The following VPS50 variants were observed in gnomAD, a reference collection of about 807,000 sequenced individuals.
The protein encoded by VPS50 is VPS50 subunit of EARP/GARPII complex.
Under a neutral mutation model 139.7 loss-of-function variants are expected in VPS50, and 70 were observed. The ratio of observed to expected loss-of-function variants is 0.50; its 90% confidence interval spans 0.41 to 0.61. The LOEUF (loss-of-function observed/expected upper bound fraction) is 0.61, where lower values mean the gene tolerates loss of function less well. Ranked by LOEUF, VPS50 falls within the 20% of genes least tolerant of loss-of-function variation. VPS50 has a pLI of 0.00. For missense variants in VPS50, 921 were observed against 1,133.7 expected, an observed-to-expected ratio of 0.81 and a Z score of 2.69; for synonymous variants, 365 against 376.7, an observed-to-expected ratio of 0.97 and a Z score of 0.36.
intron 5 of VPS50, among the ~76,000 whole-genome samples, chr7:93,257,052 C>T (rs1304713945): frequency 3.3e-5 from 5 of 151,992 alleles, no homozygotes; most frequent in African/African-American, 1.2e-4. Flanking sequence ...TTGTCATATC[C>T]TTTAATTACC....
chr7:93,291,936 C>A, intron 13 of VPS50, 101 bp downstream of exon 13: 1 of 738,122 alleles, frequency 1.4e-6, no homozygotes, highest in South Asian at 2.5e-5. Flanking sequence ...TTTGGGATTT[C>A]AAAGATTACA....
intron 17 of VPS50, among the ~76,000 whole-genome samples, chr7:93,304,152 T>C (rs569150636): frequency 1.3e-5 from 2 of 151,860 alleles, no homozygotes; most frequent in Non-Finnish European, 3.0e-5. Context: ...TGAAACACAT[T>C]GTAGATAAAT....
At chr7:93,278,097 T>C (rs148994852) in intron 12 of VPS50, among the ~76,000 whole-genome samples, 256 of 152,322 alleles carry the variant, frequency 1.7e-3, no homozygotes, top group African/African-American at 5.8e-3. Context: ...TGTTTGTGTA[T>C]GTATATTTTG....
intron 21 of VPS50, among the ~76,000 whole-genome samples, chr7:93,330,813 T>C (rs1273353165): frequency 6.7e-6 from 1 of 150,338 alleles, no homozygotes; most frequent in Non-Finnish European, 1.5e-5. Flanking sequence ...ATCCTAGTCT[T>C]TGTCATAAGA....
intron 10 of VPS50, among the ~76,000 whole-genome samples, chr7:93,271,893 A>C (rs1323250836): frequency 1.3e-5 from 2 of 151,770 alleles, no homozygotes; most frequent in Non-Finnish European, 3.0e-5. Flanking sequence ...AAAAGTTGAG[A>C]TTGGACTTTC....
At chr7:93,244,954 A>G (rs1320453650) in intron 2 of VPS50, among the ~76,000 whole-genome samples, 1 of 151,894 alleles carries the variant, frequency 6.6e-6, no homozygotes, top group Non-Finnish European at 1.5e-5. Flanking sequence ...AGCAAATCAT[A>G]TAAGTTCATT....
intron 27 of VPS50, among the ~76,000 whole-genome samples, chr7:93,357,234 C>T (rs1798731148): frequency 6.6e-6 from 1 of 152,174 alleles, no homozygotes; most frequent in Non-Finnish European, 1.5e-5. Context: ...GGAGGAAAGG[C>T]ACAGCTCTAT....
intron 8 of VPS50, among the ~76,000 whole-genome samples, chr7:93,259,212 G>T (rs7811498): frequency 0.21 from 32,328 of 151,682 alleles, 5,223 homozygotes; most frequent in African/African-American, 0.43. Flanking sequence ...TATGTAGGCA[G>T]TACTGAAAGA....
chr7:93,329,493 C>T (rs927047135), intron 21 of VPS50, among the ~76,000 whole-genome samples: 2 of 151,140 alleles, frequency 1.3e-5, no homozygotes, highest in African/African-American at 2.4e-5. Context: ...AATTGGAATA[C>T]TAGATGGAGA....
In VPS50 at chr7:93,341,349, A is replaced by G. The variant is rs1308369953; in HGVS notation, c.2059-78A>G. 7 of 912,540 alleles carry G rather than the reference A, an allele frequency of 7.7e-6. No homozygotes were observed. In the African/African-American group the frequency reaches 1.0e-4, roughly 14 times the overall value. 56.5% of individuals were successfully genotyped at this position (912,540 alleles called of 1,614,324 possible). A position where few individuals can be genotyped will look rare whatever the true frequency, so the allele number is the denominator to read the frequency against. On this transcript the variant is annotated intron_variant, in intron 22 of 27. Transcript: ENST00000305866. ...GTGCCCCAAGAGTATTTTAATTTTA[A>G]TTCTAATTTTGTCAAAATCACGTGG...
chr7:93,282,467 AC>A (rs1323837952), intron 12 of VPS50, among the ~76,000 whole-genome samples: 1 of 152,222 alleles, frequency 6.6e-6, no homozygotes, highest in African/African-American at 2.4e-5. Flanking sequence ...TCAAAGCTTT[AC>A]ATTTTAAAGG....
chr7:93,334,554 G>C (rs955155951), intron 22 of VPS50, among the ~76,000 whole-genome samples: 16 of 152,264 alleles, frequency 1.1e-4, no homozygotes, highest in African/African-American at 3.6e-4. Flanking sequence ...AGGTACACAG[G>C]GTGAGCAAGG....
chr7:93,286,322 T>C (rs975460895), intron 12 of VPS50, among the ~76,000 whole-genome samples: 2 of 152,208 alleles, frequency 1.3e-5, no homozygotes, highest in Non-Finnish European at 2.9e-5. Flanking sequence ...GAACTGGGAT[T>C]ATAATATGGT....
At chr7:93,265,434 C>CA (rs1203938593) in intron 9 of VPS50, among the ~76,000 whole-genome samples, 1 of 152,190 alleles carries the variant, frequency 6.6e-6, no homozygotes, top group Non-Finnish European at 1.5e-5. Context: ...TTTAGAAACA[C>CA]AGACTGCCAG....
intron 12 of VPS50, among the ~76,000 whole-genome samples, chr7:93,290,104 T>A (rs183860824): frequency 1.3e-5 from 2 of 152,208 alleles, no homozygotes; most frequent in East Asian, 3.9e-4. Context: ...CAAATGCCAT[T>A]GGTTTGGGCA....
chr7:93,334,212 G>T lies in VPS50; in HGVS notation c.2058+15G>T, dbSNP rs753210839. ...TTATTGATCTAGTAAGTAACGAATT[G>T]GAATAAATTCTTTTGGATTATATAA... On this transcript the variant is annotated intron_variant, in intron 22 of 27. Coordinates refer to ENST00000305866, the MANE Select transcript of VPS50 (RefSeq NM_017667.4). 1.5e-6 allele frequency: 2 copies of T among 1,329,690 alleles called. No individual in the cohort carries two copies. Among genetic ancestry groups the T allele is most frequent in the South Asian group, 2.5e-5 (2 of 80,030 alleles). 82.4% of individuals were successfully genotyped at this position (1,329,690 alleles called of 1,614,324 possible). A position where few individuals can be genotyped will look rare whatever the true frequency, so the allele number is the denominator to read the frequency against.
intron 20 of VPS50, among the ~76,000 whole-genome samples, chr7:93,322,092 A>T (rs1797630260): frequency 1.0e-5 from 1 of 99,722 alleles, no homozygotes; most frequent in Admixed American, 9.1e-5. Context: ...AGGAATAAGA[A>T]TAAATCTGAG....
At chr7:93,241,939 A>C (rs1482550437) in intron 2 of VPS50, among the ~76,000 whole-genome samples, 1 of 152,068 alleles carries the variant, frequency 6.6e-6, no homozygotes, top group Non-Finnish European at 1.5e-5. Context: ...GAAGATCTTT[A>C]AGATCTTTTA....
chr7:93,331,177 G>T (rs1797929976), intron 21 of VPS50, among the ~76,000 whole-genome samples: 1 of 150,012 alleles, frequency 6.7e-6, no homozygotes, highest in South Asian at 2.1e-4. Flanking sequence ...TGTAAAGGTG[G>T]CAGTCTTCCC....
Sources: gnomAD v4.1 joint callset for allele counts (sites outside exome capture counted in the v4.1 genomes callset) on GRCh38, gnomAD v4.1.1 for gene constraint, MANE v1.5 for transcripts, NCBI Gene and HGNC (gene_info 2026-07-23, HGNC 2026-07-21) for gene names.